The following FAM171A1 variants were observed in gnomAD, a reference collection of about 807,000 sequenced individuals.
FAM171A1 encodes family with sequence similarity 171 member A1.
Under a neutral mutation model 74.9 loss-of-function variants are expected in FAM171A1, and 23 were observed. The ratio of observed to expected loss-of-function variants is 0.31; its 90% CI spans 0.22 to 0.44. The LOEUF is 0.44. FAM171A1 is among the 20% of genes least tolerant of loss of function. The pLI is 1.00. For missense variants in FAM171A1, 1,162 were observed against 1,159.2 expected (o/e 1.00, Z -0.03); for synonymous variants, 527 against 505.7 (o/e 1.04, Z -0.57).
intron 5 of FAM171A1, 48 bp downstream of exon 5, chr10:15,248,590 GT>G (rs1834464440): frequency 1.3e-6 from 2 of 1,539,504 alleles, no homozygotes; most frequent in East Asian, 4.6e-5. Flanking sequence ...AAACCAAACA[GT>G]AACGAAGCCA....
At chr10:15,259,770 C>T (rs1834632410) in intron 3 of FAM171A1, among the ~76,000 whole-genome samples, 2 of 151,938 alleles carry the variant, frequency 1.3e-5, no homozygotes, top group African/African-American at 2.4e-5. Flanking sequence ...TGACTGCCAA[C>T]CAGTTCTCAT....
At chr10:15,305,363 C>T (rs1418766723) in intron 1 of FAM171A1, among the ~76,000 whole-genome samples, 2 of 152,104 alleles carry the variant, frequency 1.3e-5, no homozygotes. Flanking sequence ...ACCTTCCCGA[C>T]TCTATAATGT....
rs565571641 is a variant in FAM171A1 at position 15,230,959 on chromosome 10, TG to T, written c.755-9900del. Reference sequence around the variant, plus strand: ...CTTGCAATTACATGTCAGAAGGGACTGGGTGGGGAGCACACAAGGATTGTGG... The same window carrying T: ...CTTGCAATTACATGTCAGAAGGGACTGGTGGGGAGCACACAAGGATTGTGG... On this transcript the variant is annotated intron_variant, in intron 5 of 7. Coordinates refer to ENST00000378116, the MANE Select transcript of FAM171A1 (RefSeq NM_001010924.2). Among the ~76,000 whole-genome samples, 1,319 of 152,338 alleles carry T rather than the reference TG, an allele frequency of 8.7e-3. 9 individuals carry two copies. The highest frequency in any genetic ancestry group is 0.016 in the Admixed American group (240 of 15,294).
At chr10:15,248,977 G>A (rs1215439093) in intron 4 of FAM171A1, among the ~76,000 whole-genome samples, 162 bp from the exon 5 acceptor site, 1 of 152,086 alleles carries the variant, frequency 6.6e-6, no homozygotes, top group East Asian at 1.9e-4. Context: ...CAGTAAGGCA[G>A]GTAAAATCGT....
chr10:15,306,726 A>T (rs1295827995), intron 1 of FAM171A1, among the ~76,000 whole-genome samples: 1 of 152,202 alleles, frequency 6.6e-6, no homozygotes, highest in Non-Finnish European at 1.5e-5. Context: ...AATCTCAAGG[A>T]TGACCACCCA....
intron 5 of FAM171A1, among the ~76,000 whole-genome samples, chr10:15,239,280 T>G (rs1229160722): frequency 1.3e-5 from 2 of 152,118 alleles, no homozygotes; most frequent in Non-Finnish European, 2.9e-5. Flanking sequence ...GCACAATAAA[T>G]ATTCACTTTA....
At position 15,248,726 on chromosome 10, in the gene FAM171A1, G is replaced by C. The variant is rs1463514984; in HGVS notation, c.667C>G (p.Pro223Ala). 6.2e-7 allele frequency: 1 copy of C among 1,613,868 alleles called. No individual in the cohort carries two copies. Among genetic ancestry groups the C allele is most frequent in the East Asian group, 2.2e-5 (1 of 44,884 alleles). The change falls in exon 5 of 8, where the codon CCC becomes GCC. Residue 223 changes from proline to alanine, a missense_variant. Physicochemically the swap from Pro to Ala is conservative, Grantham distance 27. Transcript: ENST00000378116. ...SNGTPVLVDG[P>A]IYVTVPLATQ... ...GCCAGGGGCACAGTGACATAGATGG[G>C]ACCATCCACCAGCACCGGCGTTCCA...
intron 1 of FAM171A1, among the ~76,000 whole-genome samples, chr10:15,322,725 T>C (rs534030634): frequency 2.0e-5 from 3 of 152,324 alleles, no homozygotes; most frequent in Non-Finnish European, 2.9e-5. Context: ...ACCTCAGTGT[T>C]TGGGGTCTGG....
intron 3 of FAM171A1, among the ~76,000 whole-genome samples, chr10:15,267,035 C>T (rs946604049): frequency 5.3e-5 from 8 of 152,132 alleles, no homozygotes; most frequent in Admixed American, 6.5e-5. Flanking sequence ...GTTTAGCGCA[C>T]GGTGTGTTGG....
chr10:15,342,548 A>G (rs1159380457), intron 1 of FAM171A1, among the ~76,000 whole-genome samples: 4 of 152,194 alleles, frequency 2.6e-5, no homozygotes, highest in African/African-American at 9.7e-5. Context: ...AGCCTGGGCG[A>G]CAGAGCGAGC....
intron 1 of FAM171A1, among the ~76,000 whole-genome samples, chr10:15,333,635 C>T (rs1835667484): frequency 6.6e-6 from 1 of 152,130 alleles, no homozygotes; most frequent in African/African-American, 2.4e-5. Context: ...CAAGACCAGC[C>T]TGGCCAACAT....
At chr10:15,327,429 C>G (rs1161125340) in intron 1 of FAM171A1, among the ~76,000 whole-genome samples, 1 of 152,154 alleles carries the variant, frequency 6.6e-6, no homozygotes, top group East Asian at 1.9e-4. Context: ...GCAGGCAGAT[C>G]GCTTGAGCCC....
At chr10:15,326,119 G>C (rs182804673) in intron 1 of FAM171A1, among the ~76,000 whole-genome samples, 2 of 152,252 alleles carry the variant, frequency 1.3e-5, no homozygotes, top group East Asian at 3.9e-4. Flanking sequence ...GGAAAGTTTA[G>C]ATTCTTCTAT....
At chr10:15,367,326 A>G (rs2131895227) in intron 1 of FAM171A1, among the ~76,000 whole-genome samples, 1 of 152,378 alleles carries the variant, frequency 6.6e-6, no homozygotes, top group South Asian at 2.1e-4. Context: ...GTAACAACCT[A>G]TAAGTTACAA....
intron 1 of FAM171A1, among the ~76,000 whole-genome samples, chr10:15,349,845 A>G (rs888513541): frequency 5.3e-5 from 8 of 152,192 alleles, no homozygotes; most frequent in African/African-American, 1.9e-4. Flanking sequence ...ACGAGGAAAG[A>G]AAGTAAAAGA....
chr10:15,300,723 T>C (rs1490278798), intron 1 of FAM171A1, among the ~76,000 whole-genome samples: 2 of 152,140 alleles, frequency 1.3e-5, no homozygotes, highest in African/African-American at 2.4e-5. Context: ...CTTACTGCTC[T>C]GAAGCAGAGT....
At chr10:15,216,387 G>A (rs949518250) in intron 6 of FAM171A1, among the ~76,000 whole-genome samples, 2 of 152,062 alleles carry the variant, frequency 1.3e-5, no homozygotes, top group African/African-American at 2.4e-5. Context: ...GGAGAAGTGC[G>A]CCTCACTTGG....
chr10:15,276,544 A>G (rs1247845216), intron 2 of FAM171A1, among the ~76,000 whole-genome samples: 1 of 152,230 alleles, frequency 6.6e-6, no homozygotes. Flanking sequence ...TCATGTATAC[A>G]CTACATGAAT....
chr10:15,214,661 C>T, intron 7 of FAM171A1, 60 bp from the exon 8 acceptor site: 1 of 1,493,270 alleles, frequency 6.7e-7, no homozygotes, highest in Non-Finnish European at 8.9e-7. Context: ...GAAAAAGTTT[C>T]AAGTTTCAGG....
Sources: allele counts gnomAD v4.1 joint callset (sites outside exome capture counted in the v4.1 genomes callset), GRCh38; gene constraint gnomAD v4.1.1; transcripts MANE v1.5; gene names NCBI Gene and HGNC (gene_info 2026-07-23, HGNC 2026-07-21).